The following BAIAP3 variants were observed in gnomAD, a reference collection of about 807,000 sequenced individuals.
BAIAP3 encodes BAI1 associated protein 3.
Under a neutral mutation model 149.7 loss-of-function variants are expected in BAIAP3, and 180 were observed. That is an observed-to-expected ratio of 1.20 (90% CI 1.07 to 1.36). The LOEUF is 1.36. BAIAP3 is among the 40% of genes most tolerant of loss of function. The pLI is 0.00. For synonymous variants in BAIAP3, 845 were observed against 670.7 expected (o/e 1.26, Z -4.02); for missense variants, 1,767 against 1,563.4 (o/e 1.13, Z -2.20).
rs572423546 is a variant in BAIAP3, at chr16:1,343,968, T to C, written c.1387-54T>C. The C allele has an allele frequency of 2.9e-4, 458 of 1,604,190 alleles. 4 individuals are homozygous for C. Among genetic ancestry groups the C allele is most frequent in the Non-Finnish European group, 1.0e-4 (121 of 1,177,394 alleles). On this transcript the variant is annotated intron_variant, in intron 15 of 33. Coordinates refer to ENST00000426824, the MANE Select transcript of BAIAP3 (RefSeq NM_001199097.2). ...CGGGCCAAGGCAGGGAGGATGTTTC[T>C]CCTCATCAGTGGCCGGTCGGGGCTG...
At chr16:1,335,053 C>T (rs2033369732) in intron 1 of BAIAP3, among the ~76,000 whole-genome samples, 1 of 152,228 alleles carries the variant, frequency 6.6e-6, no homozygotes, top group African/African-American at 2.4e-5. Context: ...CCGCTGCCCC[C>T]AGACTCAGCT....
Position 1,341,197 on chromosome 16 carries a change from TGA to T in BAIAP3, c.535+4_535+5del, listed in dbSNP as rs2033899043. On this transcript the variant is annotated splice_donor_region_variant and intron_variant, in intron 7 of 33. Coordinates refer to ENST00000426824, the MANE Select transcript of BAIAP3 (RefSeq NM_001199097.2). ...ACCTTCTGGCCAAGGACCCCAACGG[TGA>T]GTGGGGACCCAGCAGACCTCGGCTG... is the stretch of plus-strand genomic sequence containing the variant. 6.2e-7 allele frequency: 1 copy of T among 1,612,030 alleles called. No homozygotes were observed. Among genetic ancestry groups the T allele is most frequent in the East Asian group, 2.2e-5 (1 of 44,848 alleles).
rs749171942 is a variant in BAIAP3 at position 1,346,660 on chromosome 16, C to A, written c.2618C>A (p.Ser873Ter). 1 of 1,099,298 alleles carries A rather than the reference C, an allele frequency of 9.1e-7. No homozygotes were observed. The highest frequency in any genetic ancestry group is 1.2e-6 in the Non-Finnish European group (1 of 816,324). 68.1% of individuals were successfully genotyped at this position (1,099,298 alleles called of 1,614,324 possible). A position where few individuals can be genotyped will look rare whatever the true frequency, so the allele number is the denominator to read the frequency against. ...GAGAAGCTGGCCCTGCTGAACGCCTCGCTGGTGAAGGGGAACCTGAGCAGG... is the reference window on the plus strand; with the variant it reads ...GAGAAGCTGGCCCTGCTGAACGCCTAGCTGGTGAAGGGGAACCTGAGCAGG... Reference protein sequence around the residue: ...LDEKLALLNASLVKGNLSRVL... With the variant: ...LDEKLALLNA Residue 873 changes from serine (S) to a stop codon, truncating the protein, a stop_gained, in exon 27 of 34, where the codon TCG becomes TAG. Coordinates refer to ENST00000426824, the MANE Select transcript of BAIAP3 (RefSeq NM_001199097.2). LOFTEE classifies it high-confidence loss of function.
chr16:1,346,058 G>A lies in BAIAP3; in HGVS notation c.2281G>A (p.Gly761Ser), dbSNP rs369557128. 18 of 1,611,166 alleles carry A rather than the reference G, an allele frequency of 1.1e-5. No individual in the cohort carries two copies. In the South Asian group the frequency reaches 1.3e-4, roughly 12 times the overall value. Reference protein sequence around the residue: ...KKVDTQPGAAGEAVSEALCVV... With the variant: ...KKVDTQPGAASEAVSEALCVV... ...GGTGGACACTCAGCCAGGGGCGGCC[G>A]GTGAAGCAGTGAGCGAGGCGGTGAG... The change falls in exon 24 of 34, where the codon GGT becomes AGT. Residue 761 changes from glycine to serine, a missense_variant. Gly to Ser is a moderately conservative substitution (Grantham distance 56). Transcript: ENST00000426824.
Position 1,345,850 on chromosome 16 carries a change from A to T in BAIAP3, c.2168A>T (p.Asp723Val). The T allele has an allele frequency of 1.9e-6, 3 of 1,580,366 alleles. No homozygotes were observed. Among genetic ancestry groups the T allele is most frequent in the Non-Finnish European group, 2.6e-6 (3 of 1,164,880 alleles). Residue 723 changes from aspartate (D) to valine (V), a missense_variant, in exon 23 of 34, where the codon GAC becomes GTC. Transcript: ENST00000426824. ...QELWVRLAWP[D>V]PAQAQGLGTQ... is the part of the protein sequence containing the mutation. ...TTGTGGGTGCGCCTGGCGTGGCCTGACCCTGCCCAGGCTCAGGGGCTGGGC... is the reference window on the plus strand; with the variant it reads ...TTGTGGGTGCGCCTGGCGTGGCCTGTCCCTGCCCAGGCTCAGGGGCTGGGC...
rs1407543412 is a variant in BAIAP3, at chr16:1,341,436, C to T, written c.678C>T (p.Val226=). The change falls in exon 8 of 34, where the codon GTC becomes GTT. Residue 226 remains valine (V), a synonymous_variant. Transcript: ENST00000426824. ...GGPLPAKCIQ[V]TEVKSSTLNP... ...CCCTGCCTGCCAAGTGCATCCAGGT[C>T]ACCGAGGTGAAGAGCAGCACCCTGA... 19 of 1,612,640 alleles carry T rather than the reference C, an allele frequency of 1.2e-5. No individual in the cohort carries two copies. The highest frequency in any genetic ancestry group is 1.6e-5 in the Non-Finnish European group (19 of 1,179,888).
rs962079548 is a variant in BAIAP3, at chr16:1,348,215, T to C, written c.3269T>C (p.Val1090Ala). 4.4e-6 allele frequency: 7 copies of C among 1,608,354 alleles called. No homozygotes were observed. In the African/African-American group the frequency reaches 8.0e-5, roughly 18 times the overall value. Reference sequence around the variant, plus strand: ...GAGGCGGCCCTCGGCCTAGGTGGCGTCACTGGTGTCGCCCGGCCCCAGGTG... The same window carrying C: ...GAGGCGGCCCTCGGCCTAGGTGGCGCCACTGGTGTCGCCCGGCCCCAGGTG... ...AGEAALGLGG[V>A]TGVARPQVGG... The change falls in exon 33 of 34, where the codon GTC (valine) becomes GCC (alanine). Residue 1090 changes from valine to alanine, a missense_variant. Transcript: ENST00000426824.
intron 1 of BAIAP3, among the ~76,000 whole-genome samples, 154 bp downstream of exon 1, chr16:1,333,903 C>A (rs1024055304): frequency 9.9e-5 from 15 of 152,090 alleles, no homozygotes; most frequent in African/African-American, 3.4e-4. Context: ...GTGGGAAGGT[C>A]TCGACGTCCC....
At position 1,348,472 on chromosome 16, in the gene BAIAP3, C is replaced by T. The variant is rs370575755; in HGVS notation, c.3449C>T (p.Ala1150Val). Residue 1150 changes from alanine (A) to valine (V), a missense_variant, in exon 34 of 34, where the codon GCG (alanine) becomes GTG (valine). Transcript: ENST00000426824. ...KLKELEKCME[A>V]DP ...AAGGAGCTGGAGAAGTGCATGGAGG[C>T]GGACCCCTGAGTCCATCAGCTGCCA... The T allele has an allele frequency of 2.6e-5, 42 of 1,609,142 alleles. No individual in the cohort carries two copies. In the Middle Eastern group the frequency reaches 5.2e-4, roughly 20 times the overall value.
In BAIAP3 at chr16:1,340,918, A is replaced by G. The variant is rs2033881887; in HGVS notation, c.409-4A>G. 2 of 1,568,314 alleles carry G rather than the reference A, an allele frequency of 1.3e-6. No individual in the cohort carries two copies. Among genetic ancestry groups the G allele is most frequent in the East Asian group, 2.4e-5 (1 of 42,400 alleles). On this transcript the variant is annotated splice_region_variant and splice_polypyrimidine_tract_variant and intron_variant, in intron 5 of 33. Coordinates refer to ENST00000426824, the MANE Select transcript of BAIAP3 (RefSeq NM_001199097.2). The stretch of plus-strand genomic sequence containing the variant: ...GGCCCTGCCAACCCAGCCACCCTCC[A>G]CAGGTGTTTGGCACCAGCCTTGAGG...
At chr16:1,334,769 A>G in intron 1 of BAIAP3, 1 of 1,548,310 alleles carries the variant, frequency 6.5e-7, no homozygotes, top group Middle Eastern at 1.7e-4. Context: ...GAGACCAGGG[A>G]GAGATTCCTG....
intron 8 of BAIAP3, 112 bp downstream of exon 8, chr16:1,341,601 G>T: frequency 7.2e-7 from 1 of 1,385,428 alleles, no homozygotes. Flanking sequence ...TTGGGGCCGT[G>T]TGCCCACTTT....
chr16:1,343,090 G>T, intron 14 of BAIAP3, 74 bp downstream of exon 14: 1 of 1,337,838 alleles, frequency 7.5e-7, no homozygotes, highest in Non-Finnish European at 1.0e-6. Flanking sequence ...GGGCCATGCG[G>T]TGAGTGGATG....
rs752639648 is a variant in BAIAP3, at chr16:1,345,795, G to A, written c.2113G>A (p.Ala705Thr). 1.3e-6 allele frequency: 2 copies of A among 1,572,776 alleles called. No individual in the cohort carries two copies. Among genetic ancestry groups the A allele is most frequent in the Non-Finnish European group, 1.7e-6 (2 of 1,164,222 alleles). Reference protein sequence around the residue: ...SSRHSSSAATAGLCLSHIQEL... With the variant: ...SSRHSSSAATTGLCLSHIQEL... The stretch of plus-strand genomic sequence containing the variant: ...CAGGCACAGCAGCTCCGCAGCCACT[G>A]CTGGTCTCTGCCTCAGCCACATCCA... The change falls in exon 23 of 34, where the codon GCT (alanine) becomes ACT (threonine). Residue 705 changes from alanine (A) to threonine (T), a missense_variant. Transcript: ENST00000426824.
intron 11 of BAIAP3, 105 bp downstream of exon 11, chr16:1,342,388 C>A: frequency 7.1e-7 from 1 of 1,404,720 alleles, no homozygotes; most frequent in Non-Finnish European, 9.8e-7. Flanking sequence ...TGCTTTTGGG[C>A]CTCCACTGAG....
Position 1,349,058 on chromosome 16 carries a change from A to C in BAIAP3, c.*576A>C. ...GAAAGGTTCCCCTGAGGTCACTCTG[A>C]GGCCAGGGACGTCACCCAAGGCTGG... is the stretch of plus-strand genomic sequence containing the variant. On this transcript the variant is annotated 3_prime_UTR_variant, in exon 34 of 34. Transcript: ENST00000426824. 3.3e-6 allele frequency: 1 copy of C among 306,694 alleles called. No homozygotes were observed. The highest frequency in any genetic ancestry group is 6.2e-6 in the Non-Finnish European group (1 of 161,012). The allele number at this position is 306,694 out of a possible 1,614,324, so 19.0% of individuals were successfully genotyped here.
intron 5 of BAIAP3, among the ~76,000 whole-genome samples, chr16:1,340,382 C>A (rs547011338): frequency 7.2e-6 from 1 of 139,086 alleles, no homozygotes; most frequent in African/African-American, 2.6e-5. Context: ...CAGACACGCA[C>A]ACAGGTTGCA....
chr16:1,345,192 A>T, intron 21 of BAIAP3, 57 bp from the exon 22 acceptor site: 1 of 1,609,266 alleles, frequency 6.2e-7, no homozygotes, highest in Non-Finnish European at 8.5e-7. Flanking sequence ...TGAGCCTGGA[A>T]CGTGCTGGTT....
chr16:1,347,828 TGC>T lies in BAIAP3; in HGVS notation c.3025+8_3025+9del. ...CTCCCCCTGGACGCCAACGGTGAGT[TGC>T]AGCGGGGACGGGTCGGGTGGTGGTG... is the stretch of plus-strand genomic sequence containing the variant. On this transcript the variant is annotated splice_region_variant and intron_variant, in intron 31 of 33. Coordinates refer to ENST00000426824, the MANE Select transcript of BAIAP3 (RefSeq NM_001199097.2). 6.2e-7 allele frequency: 1 copy of T among 1,603,612 alleles called. No homozygotes were observed. The highest frequency in any genetic ancestry group is 8.5e-7 in the Non-Finnish European group (1 of 1,173,832).
Sources: allele counts gnomAD v4.1 joint callset (sites outside exome capture counted in the v4.1 genomes callset), GRCh38; gene constraint gnomAD v4.1.1; transcripts MANE v1.5; gene names NCBI Gene and HGNC (gene_info 2026-07-23, HGNC 2026-07-21).